IDE: variants seen among roughly 807,000 people sequenced by gnomAD.
IDE encodes insulin-degrading enzyme.
In IDE, 58 loss-of-function variants were observed where a neutral mutation model predicts 133.2. The ratio of observed to expected loss-of-function variants is 0.44; its 90% CI spans 0.35 to 0.54. The LOEUF is 0.54. Ranked by LOEUF, IDE falls within the 20% of genes least tolerant of loss-of-function variation. IDE has a pLI of 0.00. For synonymous variants in IDE, 396 were observed against 421.3 expected, an observed-to-expected ratio of 0.94 and a Z score of 0.73; for missense variants, 981 against 1,234.0, an observed-to-expected ratio of 0.79 and a Z score of 3.07.
chr10:92,468,932 T>C lies in IDE; in HGVS notation c.2267A>G (p.Lys756Arg). ...AACCAGCTGACTTGGAAGGAGAGGT[T>C]TGGTATGAGCATGTTCAATGAGGGT... ...EDTLIEHAHT[K>R]PLLPSQLVRY... Residue 756 changes from lysine to arginine, a missense_variant, in exon 19 of 25, where the codon AAA becomes AGA. Transcript: ENST00000265986. The C allele has an allele frequency of 4.3e-6, 7 of 1,613,480 alleles. No individual in the cohort carries two copies. The highest frequency in any genetic ancestry group is 5.9e-6 in the Non-Finnish European group (7 of 1,179,426).
chr10:92,563,704 G>A (rs181112004), intron 1 of IDE, among the ~76,000 whole-genome samples: 7 of 151,798 alleles, frequency 4.6e-5, no homozygotes, highest in Admixed American at 1.3e-4. Flanking sequence ...GCAGTGAGCC[G>A]GGATCACGCC....
At chr10:92,495,716 C>T (rs1328289417) in intron 11 of IDE, among the ~76,000 whole-genome samples, 1 of 151,778 alleles carries the variant, frequency 6.6e-6, no homozygotes, top group Non-Finnish European at 1.5e-5. Flanking sequence ...AAATTCTACA[C>T]TATCATGATA....
At chr10:92,541,740 G>T (rs961381667) in intron 1 of IDE, among the ~76,000 whole-genome samples, 1 of 152,078 alleles carries the variant, frequency 6.6e-6, no homozygotes, top group Non-Finnish European at 1.5e-5. Flanking sequence ...GAAGATAAAA[G>T]CTGGAAGAGC....
At chr10:92,510,199 G>T in intron 5 of IDE, 37 bp from the exon 6 acceptor site, 2 of 1,066,420 alleles carry the variant, frequency 1.9e-6, no homozygotes, top group Non-Finnish European at 2.9e-6. Flanking sequence ...GAACTTAAGC[G>T]AATCATAACA....
At chr10:92,573,490 G>A (rs1245530170) in intron 1 of IDE, among the ~76,000 whole-genome samples, 1 of 152,250 alleles carries the variant, frequency 6.6e-6, no homozygotes, top group Admixed American at 6.5e-5. Context: ...AAGGTGAGAA[G>A]CGGTCCCCCC....
chr10:92,529,290 C>G (rs1355724174), intron 4 of IDE, among the ~76,000 whole-genome samples: 5 of 152,122 alleles, frequency 3.3e-5, no homozygotes, highest in African/African-American at 1.2e-4. Context: ...TCAAATGTAC[C>G]TGTGACCTTA....
intron 13 of IDE, among the ~76,000 whole-genome samples, chr10:92,484,710 G>A (rs1049959713): frequency 6.6e-6 from 1 of 151,668 alleles, no homozygotes; most frequent in Admixed American, 6.6e-5. Context: ...TCCAGCCTAG[G>A]CAACGGAGAG....
chr10:92,462,664 C>T (rs1054814163), intron 21 of IDE, among the ~76,000 whole-genome samples: 1 of 152,120 alleles, frequency 6.6e-6, no homozygotes, highest in Non-Finnish European at 1.5e-5. Context: ...GCTCAGGAGC[C>T]AGGCCAGCCT....
intron 1 of IDE, among the ~76,000 whole-genome samples, chr10:92,546,165 T>C (rs1020646005): frequency 6.6e-6 from 1 of 152,152 alleles, no homozygotes; most frequent in Admixed American, 6.6e-5. Flanking sequence ...TACTGTAACC[T>C]TCCATTTATA....
chr10:92,536,703 A>C (rs1842025452), intron 2 of IDE, among the ~76,000 whole-genome samples: 1 of 147,996 alleles, frequency 6.8e-6, no homozygotes, highest in Admixed American at 6.7e-5. Context: ...CCACTCAGAA[A>C]AAAAAAAAAA....
chr10:92,491,748 T>A (rs1009915544), intron 11 of IDE, among the ~76,000 whole-genome samples: 19 of 152,084 alleles, frequency 1.2e-4, no homozygotes, highest in African/African-American at 4.1e-4. Flanking sequence ...GTAGCTGGGA[T>A]TACAGGTGCC....
At chr10:92,569,648 C>G (rs1564689680) in intron 1 of IDE, among the ~76,000 whole-genome samples, 1 of 151,904 alleles carries the variant, frequency 6.6e-6, no homozygotes, top group Non-Finnish European at 1.5e-5. Flanking sequence ...TCAAGCTAAA[C>G]TGAAAAAATG....
chr10:92,507,068 G>C (rs980395541), intron 9 of IDE, among the ~76,000 whole-genome samples: 1 of 151,068 alleles, frequency 6.6e-6, no homozygotes, highest in Non-Finnish European at 1.5e-5. Context: ...TTTTTAAAAG[G>C]CTTTTAAAAA....
intron 1 of IDE, among the ~76,000 whole-genome samples, chr10:92,569,404 A>T (rs1482320572): frequency 2.6e-5 from 4 of 152,234 alleles, no homozygotes; most frequent in South Asian, 2.1e-4. Flanking sequence ...ACTAGTAGGG[A>T]GACAGAAGGC....
At chr10:92,466,751 G>A (rs908969228) in intron 19 of IDE, among the ~76,000 whole-genome samples, 9 of 151,464 alleles carry the variant, frequency 5.9e-5, no homozygotes, top group Middle Eastern at 3.2e-3. Context: ...CCAAGTAGCC[G>A]GGATTACAGG....
chr10:92,472,826 G>T (rs184568420), intron 17 of IDE, among the ~76,000 whole-genome samples: 2 of 150,918 alleles, frequency 1.3e-5, no homozygotes, highest in Admixed American at 1.3e-4. Flanking sequence ...TTTTGTAGAC[G>T]TGGGTTTCAC....
At chr10:92,471,700 T>C (rs568596632) in intron 17 of IDE, among the ~76,000 whole-genome samples, 9 of 152,268 alleles carry the variant, frequency 5.9e-5, no homozygotes, top group African/African-American at 1.7e-4. Flanking sequence ...CCCCATCTAA[T>C]TGATCATTTT....
intron 1 of IDE, among the ~76,000 whole-genome samples, chr10:92,539,541 G>A (rs991697783): frequency 6.6e-6 from 1 of 151,628 alleles, no homozygotes; most frequent in Non-Finnish European, 1.5e-5. Context: ...TGAGACGGGC[G>A]GATCACAAGG....
At chr10:92,573,862 C>T in intron 1 of IDE, 60 bp downstream of exon 1, 1 of 1,198,868 alleles carries the variant, frequency 8.3e-7, no homozygotes, top group Non-Finnish European at 1.1e-6. Context: ...CTTTGCAACC[C>T]GAGCGCCAAA....
Sources: allele counts gnomAD v4.1 joint callset (sites outside exome capture counted in the v4.1 genomes callset), GRCh38; gene constraint gnomAD v4.1.1; transcripts MANE v1.5; gene names NCBI Gene and HGNC (gene_info 2026-07-23, HGNC 2026-07-21).